Variants in MTTP observed in about 807,000 individuals in gnomAD.
The protein encoded by MTTP is microsomal triglyceride transfer protein.
In MTTP, 49 loss-of-function variants were observed where a neutral mutation model predicts 90.6. The ratio of observed to expected loss-of-function variants is 0.54; its 90% confidence interval spans 0.43 to 0.69. The LOEUF is 0.69. MTTP is among the 30% of genes least tolerant of loss of function. The probability of loss-of-function intolerance (pLI) is 0.00; values close to 1 mark genes in which losing one functional copy is unlikely to be tolerated. For missense variants in MTTP, 945 were observed against 1,067.5 expected (o/e 0.89, Z 1.60); for synonymous variants, 347 against 384.2 (o/e 0.90, Z 1.13).
At chr4:99,591,410 T>A (rs1725417151) in intron 5 of MTTP, 59 bp downstream of exon 5, 1 of 1,303,366 alleles carries the variant, frequency 7.7e-7, no homozygotes, top group African/African-American at 1.5e-5. Flanking sequence ...TAGAGACTAA[T>A]TTAATGTAAT....
At chr4:99,597,516 C>T (rs189920654) in intron 8 of MTTP, among the ~76,000 whole-genome samples, 35 of 152,264 alleles carry the variant, frequency 2.3e-4, no homozygotes, top group African/African-American at 7.0e-4. Flanking sequence ...AAGGCTTCGT[C>T]GTGACATCGT....
At position 99,583,486 on chromosome 4, in the gene MTTP, G is replaced by C; in HGVS notation, c.362G>C (p.Arg121Thr). The change falls in exon 3 of 18, where the codon AGA becomes ACA. Residue 121 changes from arginine (R) to threonine (T), a missense_variant. Coordinates refer to ENST00000265517, the MANE Select transcript of MTTP (RefSeq NM_001386140.1). ...MGKENLEALQRPTLLHLIHGK... is the reference protein window; with the variant it reads ...MGKENLEALQTPTLLHLIHGK... Reference sequence around the variant, plus strand: ...AAGGAAAACTTGGAAGCTCTGCAAAGACCTACGCTCCTTCATCTAATCCAT... The same window carrying C: ...AAGGAAAACTTGGAAGCTCTGCAAACACCTACGCTCCTTCATCTAATCCAT... 6.2e-7 allele frequency: 1 copy of C among 1,613,594 alleles called. No homozygotes were observed. Among genetic ancestry groups the C allele is most frequent in the South Asian group, 1.1e-5 (1 of 91,066 alleles).
upstream of MTTP, among the ~76,000 whole-genome samples, chr4:99,570,037 A>G (rs1183386936): frequency 1.3e-5 from 2 of 151,242 alleles, no homozygotes; most frequent in African/African-American, 4.9e-5. Context: ...TTTTTTGTGC[A>G]CTTTATGCCT....
At chr4:99,567,444 C>G (rs376774876) in intron 1 of MTTP, among the ~76,000 whole-genome samples, 107 of 152,206 alleles carry the variant, frequency 7.0e-4, no homozygotes, top group African/African-American at 2.3e-3. Context: ...ATCTGAAGAC[C>G]CTCAGAATGG....
At chr4:99,573,479 A>G (rs1204347334), upstream of MTTP, among the ~76,000 whole-genome samples, 1 of 152,140 alleles carries the variant, frequency 6.6e-6, no homozygotes. Context: ...CAACCAAACA[A>G]TTTATTTTTG....
At chr4:99,597,846 A>G (rs1725596018) in intron 8 of MTTP, among the ~76,000 whole-genome samples, 1 of 152,240 alleles carries the variant, frequency 6.6e-6, no homozygotes, top group Non-Finnish European at 1.5e-5. Context: ...TCTAAATAGA[A>G]TGTATTTTTA....
intron 1 of MTTP, among the ~76,000 whole-genome samples, chr4:99,568,968 G>T (rs1457375235): frequency 6.6e-6 from 1 of 152,020 alleles, no homozygotes; most frequent in Non-Finnish European, 1.5e-5. Flanking sequence ...CCTCAAGGAG[G>T]AGGAACATAA....
intron 14 of MTTP, 91 bp from the exon 15 acceptor site, chr4:99,612,822 G>A: frequency 7.9e-7 from 1 of 1,258,982 alleles, no homozygotes; most frequent in Non-Finnish European, 1.2e-6. Context: ...TTGGCCCCTT[G>A]AGAAGTTCTA....
chr4:99,573,555 G>GA (rs903343795), upstream of MTTP, among the ~76,000 whole-genome samples: 5 of 151,962 alleles, frequency 3.3e-5, no homozygotes, highest in Non-Finnish European at 5.9e-5. Context: ...AATCCCAATA[G>GA]AAGAACAAAC....
chr4:99,585,236 C>T (rs745428741), intron 3 of MTTP, among the ~76,000 whole-genome samples: 15 of 152,140 alleles, frequency 9.9e-5, no homozygotes, highest in Non-Finnish European at 1.9e-4. Context: ...AGGCATTACA[C>T]GAACTGTCTC....
chr4:99,564,340 C>T, intron 1 of MTTP: 1 of 1,084,784 alleles, frequency 9.2e-7, no homozygotes, highest in South Asian at 1.7e-5. Flanking sequence ...AGAAAAACAT[C>T]TCTTGCCTAT....
chr4:99,605,152 G>C (rs1446670962), intron 10 of MTTP, among the ~76,000 whole-genome samples: 8 of 151,972 alleles, frequency 5.3e-5, no homozygotes, highest in Non-Finnish European at 5.9e-5. Context: ...GCAGAACTGT[G>C]TTTTAAAAGT....
chr4:99,611,641 G>A (rs573720467), intron 14 of MTTP, among the ~76,000 whole-genome samples, 188 bp downstream of exon 14: 3 of 152,176 alleles, frequency 2.0e-5, no homozygotes, highest in East Asian at 1.9e-4. Context: ...AGAAAGTTTC[G>A]AATTTGAACT....
At chr4:99,621,252 CA>C in intron 17 of MTTP, 21 bp downstream of exon 17, 2 of 1,613,394 alleles carry the variant, frequency 1.2e-6, no homozygotes, top group Non-Finnish European at 1.7e-6. Flanking sequence ...GCGTTCAGGT[CA>C]TGTTCCAGGA....
chr4:99,597,373 C>T (rs1310318528), intron 8 of MTTP, 149 bp downstream of exon 8: 15 of 874,376 alleles, frequency 1.7e-5, no homozygotes, highest in Middle Eastern at 2.9e-4. Context: ...AAAAGTTATG[C>T]CACAGTGCAG....
Position 99,623,283 on chromosome 4 carries a change from GAA to G in MTTP, c.*453_*454del, listed in dbSNP as rs545365701. 4,487 of 103,884 alleles carry G rather than the reference GAA, an allele frequency of 0.043. 93 individuals are homozygous for G. The highest frequency in any genetic ancestry group is 0.11 in the South Asian group (342 of 3,222). 6.4% of individuals were successfully genotyped at this position (103,884 alleles called of 1,614,324 possible). A position where few individuals can be genotyped will look rare whatever the true frequency, so the allele number is the denominator to read the frequency against. On this transcript the variant is annotated 3_prime_UTR_variant, in exon 18 of 18. Coordinates refer to ENST00000265517, the MANE Select transcript of MTTP (RefSeq NM_001386140.1). ...AAAACCAAACACGTTCCCTAATCAG[GAA>G]AAAAAAAAAAAAAAAAAGTAAGACA...
chr4:99,597,447 A>G (rs1239566388), intron 8 of MTTP, among the ~76,000 whole-genome samples: 1 of 152,198 alleles, frequency 6.6e-6, no homozygotes, highest in East Asian at 1.9e-4. Flanking sequence ...AGGAATAAAC[A>G]TGTTGTTGTG....
chr4:99,601,283 T>TTTACTCATACATAAAAA (rs550248688), intron 9 of MTTP, among the ~76,000 whole-genome samples: 8 of 144,628 alleles, frequency 5.5e-5, no homozygotes, highest in Non-Finnish European at 1.3e-4. Context: ...TGAGGCCCCT[T>TTTACTCATACATAAAAA]TTTACTCATA....
chr4:99,619,167 G>A (rs1433558653), intron 16 of MTTP, 69 bp downstream of exon 16: 1 of 1,411,474 alleles, frequency 7.1e-7, no homozygotes, highest in Non-Finnish European at 1.0e-6. Context: ...TCCGAAATAT[G>A]TTTTGGGAAT....
Sources: gnomAD v4.1 joint callset for allele counts (sites outside exome capture counted in the v4.1 genomes callset) on GRCh38, gnomAD v4.1.1 for gene constraint, MANE v1.5 for transcripts, NCBI Gene and HGNC (gene_info 2026-07-23, HGNC 2026-07-21) for gene names.